The following CASP4 variants were observed in gnomAD, a reference collection of about 807,000 sequenced individuals.
CASP4 encodes the protein caspase 4, also known as caspase-4.
CASP4 carries 29 observed loss-of-function variants against 41.3 expected under a neutral mutation model. That is an observed-to-expected ratio of 0.70 (90% CI 0.52 to 0.96). The LOEUF (loss-of-function observed/expected upper bound fraction) is 0.96, where lower values mean the gene tolerates loss of function less well. CASP4 is among the 40% of genes least tolerant of loss of function. The pLI is 0.00. For missense variants in CASP4, 447 were observed against 460.6 expected (o/e 0.97, Z 0.27); for synonymous variants, 185 against 158.4 (o/e 1.17, Z -1.26).
intron 8 of CASP4, 136 bp from the exon 9 acceptor site, chr11:104,943,109 A>C (rs1860365109): frequency 2.6e-6 from 1 of 379,762 alleles, no homozygotes; most frequent in South Asian, 2.0e-5. Context: ...GTGACATCTT[A>C]GTCTATTCAC....
At chr11:104,943,291 T>C (rs1165927396) in intron 8 of CASP4, 2 of 264,850 alleles carry the variant, frequency 7.6e-6, no homozygotes, top group African/African-American at 4.5e-5. Context: ...CTCTGCCATT[T>C]TCTCCACTCA....
chr11:104,959,975 A>G (rs1382121437), intron 1 of CASP4, among the ~76,000 whole-genome samples: 1 of 152,220 alleles, frequency 6.6e-6, no homozygotes, highest in Non-Finnish European at 1.5e-5. Flanking sequence ...TTTGCAACGA[A>G]GAGTGTTCCA....
intron 1 of CASP4, among the ~76,000 whole-genome samples, chr11:104,964,396 G>A (rs1009521241): frequency 6.6e-6 from 1 of 152,118 alleles, no homozygotes; most frequent in African/African-American, 2.4e-5. Flanking sequence ...TAACAAGTAG[G>A]TAAAATACAC....
At chr11:104,943,080 C>G in intron 8 of CASP4, 107 bp from the exon 9 acceptor site, 1 of 403,648 alleles carries the variant, frequency 2.5e-6, no homozygotes, top group Non-Finnish European at 4.9e-6. Context: ...GCTCTTGCCA[C>G]TTCCCTTGAC....
intron 1 of CASP4, among the ~76,000 whole-genome samples, chr11:104,965,093 G>T (rs1860943672): frequency 6.6e-6 from 1 of 152,136 alleles, no homozygotes; most frequent in African/African-American, 2.4e-5. Flanking sequence ...TTTTGTTTGA[G>T]TTTTTTCCTA....
intron 1 of CASP4, among the ~76,000 whole-genome samples, chr11:104,967,901 T>C (rs772784376): frequency 2.0e-5 from 3 of 152,088 alleles, no homozygotes; most frequent in African/African-American, 7.2e-5. Flanking sequence ...ATAAGACAGG[T>C]GACCTAAAAG....
chr11:104,968,275 T>C (rs989062577), intron 1 of CASP4, among the ~76,000 whole-genome samples: 2 of 152,230 alleles, frequency 1.3e-5, no homozygotes, highest in African/African-American at 4.8e-5. Flanking sequence ...ACCCTCCCTT[T>C]GATTACCAGA....
At position 104,955,013 on chromosome 11, in the gene CASP4, A is replaced by G. The variant is rs540315323; in HGVS notation, c.8-12T>C. On this transcript the variant is annotated splice_polypyrimidine_tract_variant and intron_variant, in intron 1 of 8. Transcript: ENST00000444739. ...TCTGTGGTTGCCTTCTGTTAGAAAT[A>G]GAAAGATTCCTTTAACTATGGGCAC... 24 of 1,608,526 alleles carry G rather than the reference A, an allele frequency of 1.5e-5. No homozygotes were observed. The African/African-American group carries it at 2.1e-4, about 14-fold the overall frequency.
At chr11:104,952,157 T>C in intron 2 of CASP4, 152 bp from the exon 3 acceptor site, 1 of 573,120 alleles carries the variant, frequency 1.7e-6, no homozygotes, top group Non-Finnish European at 3.1e-6. Context: ...CATCAGGAGA[T>C]GTATTGTTAC....
At chr11:104,965,475 C>G (rs1238592092) in intron 1 of CASP4, among the ~76,000 whole-genome samples, 1 of 152,120 alleles carries the variant, frequency 6.6e-6, no homozygotes, top group African/African-American at 2.4e-5. Flanking sequence ...ATTAGAAAAC[C>G]CAAACAGAGG....
intron 1 of CASP4, among the ~76,000 whole-genome samples, chr11:104,957,860 G>T (rs1489547792): frequency 6.6e-6 from 1 of 152,020 alleles, no homozygotes; most frequent in African/African-American, 2.4e-5. Context: ...GAACAAAGCT[G>T]CAGGCATCGC....
intron 1 of CASP4, among the ~76,000 whole-genome samples, chr11:104,960,305 T>C (rs1860829371): frequency 6.6e-6 from 1 of 152,112 alleles, no homozygotes; most frequent in South Asian, 2.1e-4. Flanking sequence ...TGAACTGTTC[T>C]CTGTCTATCT....
chr11:104,945,353 A>G (rs907691216), intron 7 of CASP4, among the ~76,000 whole-genome samples: 5 of 151,890 alleles, frequency 3.3e-5, no homozygotes, highest in Non-Finnish European at 7.4e-5. Context: ...CCAGAGTTCA[A>G]GCAATTCTCC....
intron 7 of CASP4, among the ~76,000 whole-genome samples, chr11:104,945,527 A>T (rs1218846038): frequency 6.6e-6 from 1 of 152,148 alleles, no homozygotes; most frequent in Non-Finnish European, 1.5e-5. Flanking sequence ...AAGTGCTGGG[A>T]TTACAGGCGT....
At chr11:104,950,797 T>TATAC in intron 4 of CASP4, 128 bp downstream of exon 4, 1 of 463,858 alleles carries the variant, frequency 2.2e-6, no homozygotes. Flanking sequence ...TTATTTTGTA[T>TATAC]ACACACACAC....
Position 104,947,080 on chromosome 11 carries a change from T to TA in CASP4, c.1035+2dup. ...AATGAGTAACTAGAAAAGAGACACT[T>TA]ACCTTCCGAAATACTTCCTCTAGGT... On this transcript the variant is annotated splice_region_variant and intron_variant, in intron 7 of 8. Coordinates refer to ENST00000444739, the MANE Select transcript of CASP4 (RefSeq NM_001225.4). 2 of 1,570,826 alleles carry TA rather than the reference T, an allele frequency of 1.3e-6. No individual in the cohort carries two copies. The highest frequency in any genetic ancestry group is 1.8e-6 in the Non-Finnish European group (2 of 1,141,468).
intron 2 of CASP4, among the ~76,000 whole-genome samples, chr11:104,952,936 C>T (rs940080488): frequency 6.6e-6 from 1 of 152,130 alleles, no homozygotes; most frequent in African/African-American, 2.4e-5. Context: ...CATGCTGGAT[C>T]CTGGATATTC....
At chr11:104,952,547 A>C (rs1488345688) in intron 2 of CASP4, among the ~76,000 whole-genome samples, 2 of 152,182 alleles carry the variant, frequency 1.3e-5, no homozygotes, top group African/African-American at 4.8e-5. Context: ...GCCACAAGCC[A>C]AATGCTTAAT....
intron 8 of CASP4, 154 bp downstream of exon 8, chr11:104,944,594 A>G: frequency 1.8e-6 from 1 of 563,300 alleles, no homozygotes; most frequent in Non-Finnish European, 3.2e-6. Context: ...AATACATGTA[A>G]GTCGGAAAGA....
Sources: allele counts gnomAD v4.1 joint callset (sites outside exome capture counted in the v4.1 genomes callset), GRCh38; gene constraint gnomAD v4.1.1; transcripts MANE v1.5; gene names NCBI Gene and HGNC (gene_info 2026-07-23, HGNC 2026-07-21).